PTN: variants seen among roughly 807,000 people sequenced by gnomAD.
PTN encodes pleiotrophin.
A neutral mutation model predicts 24.1 loss-of-function variants in PTN; 18 were observed. The ratio of observed to expected loss-of-function variants is 0.75; its 90% CI spans 0.52 to 1.11. The LOEUF is 1.11. Ranked by LOEUF, PTN falls within the 50% of genes least tolerant of loss-of-function variation. PTN has a pLI of 0.00. For missense variants in PTN, 163 were observed against 198.8 expected (o/e 0.82, Z 1.08); for synonymous variants, 78 against 68.6 (o/e 1.14, Z -0.67).
intron 4 of PTN, among the ~76,000 whole-genome samples, chr7:137,237,410 C>A (rs1808542677): frequency 6.6e-6 from 1 of 152,094 alleles, no homozygotes; most frequent in Admixed American, 6.6e-5. Flanking sequence ...GTCACGACAG[C>A]CCTAGCAGAC....
chr7:137,251,291 T>C lies in PTN; in HGVS notation c.390A>G (p.Glu130=). The C allele has an allele frequency of 6.2e-7, 1 of 1,614,172 alleles. No homozygotes were observed. Among genetic ancestry groups the C allele is most frequent in the Non-Finnish European group, 8.5e-7 (1 of 1,180,016 alleles). The change falls in exon 4 of 5, where the codon GAA becomes GAG. Residue 130 remains glutamate (E), a synonymous_variant. Transcript: ENST00000348225. ...GSLKRALHNA[E]CQKTVTISKP... ...TGGAGATGGTGACAGTCTTCTGGCA[T>C]TCGGCATTGTGCAGGGCTCGCTTCA...
At chr7:137,269,811 T>C (rs1220634458) in intron 1 of PTN, among the ~76,000 whole-genome samples, 1 of 151,910 alleles carries the variant, frequency 6.6e-6, no homozygotes, top group Non-Finnish European at 1.5e-5. Flanking sequence ...TTTTGTACTC[T>C]TAGTAGAGAT....
At chr7:137,319,741 C>G (rs950962798) in intron 1 of PTN, among the ~76,000 whole-genome samples, 3 of 152,208 alleles carry the variant, frequency 2.0e-5, no homozygotes, top group African/African-American at 7.2e-5. Flanking sequence ...GGGGGCAACA[C>G]CTGAATACTT....
chr7:137,232,933 A>G, intron 4 of PTN, among the ~76,000 whole-genome samples: 1 of 151,918 alleles, frequency 6.6e-6, no homozygotes, highest in East Asian at 1.9e-4. Context: ...CCATGATTGT[A>G]TGTTTCCTGA....
chr7:137,261,219 C>T (rs1231374826), intron 1 of PTN, among the ~76,000 whole-genome samples: 3 of 151,950 alleles, frequency 2.0e-5, no homozygotes, highest in Non-Finnish European at 2.9e-5. Flanking sequence ...TTGATAATAA[C>T]AAATGATATT....
intron 1 of PTN, among the ~76,000 whole-genome samples, chr7:137,315,680 C>T (rs1268633483): frequency 1.3e-5 from 2 of 152,142 alleles, no homozygotes; most frequent in Non-Finnish European, 2.9e-5. Context: ...TTACTGACAG[C>T]CTGCTGTGGA....
At chr7:137,337,803 C>T (rs980548863) in intron 1 of PTN, among the ~76,000 whole-genome samples, 1 of 152,216 alleles carries the variant, frequency 6.6e-6, no homozygotes, top group Non-Finnish European at 1.5e-5. Context: ...AGGAAATTGG[C>T]ACCAGGTTGT....
chr7:137,306,260 T>C (rs1401576381), intron 1 of PTN, among the ~76,000 whole-genome samples: 1 of 152,048 alleles, frequency 6.6e-6, no homozygotes, highest in African/African-American at 2.4e-5. Flanking sequence ...TATTATGAAA[T>C]TGATGGGCTC....
Position 137,342,527 on chromosome 7 carries a change from C to CTGTGTGTG in PTN, c.-2+904_-2+911dup, listed in dbSNP as rs4032309. On this transcript the variant is annotated intron_variant, in intron 1 of 4. Transcript: ENST00000348225. ...GTATATAAACTGCATGTGTGTGTTC[C>CTGTGTGTG]TGTGTGTGTGTGTGTGTGTGTTGTG... Among the ~76,000 whole-genome samples, 16 of 150,648 alleles carry CTGTGTGTG rather than the reference C, an allele frequency of 1.1e-4. No individual in the cohort carries two copies. In the East Asian group the frequency reaches 2.0e-3, roughly 19 times the overall value.
chr7:137,324,433 A>AAAAAAAAATATATATATATATAT, intron 1 of PTN, among the ~76,000 whole-genome samples: 4 of 88,804 alleles, frequency 4.5e-5, no homozygotes, highest in African/African-American at 2.8e-4. Flanking sequence ...AAAAAAAAAA[A>AAAAAAAAATATATATATATATAT]ATATATATAT....
At chr7:137,318,311 T>G (rs1356016864) in intron 1 of PTN, among the ~76,000 whole-genome samples, 1 of 152,112 alleles carries the variant, frequency 6.6e-6, no homozygotes, top group Non-Finnish European at 1.5e-5. Flanking sequence ...GAGAGCACAT[T>G]GAAGAAAAGG....
intron 1 of PTN, among the ~76,000 whole-genome samples, chr7:137,280,536 C>G (rs1809449674): frequency 6.6e-6 from 1 of 150,494 alleles, no homozygotes; most frequent in South Asian, 2.1e-4. Flanking sequence ...TAATAAGACA[C>G]AAGCAAAGAG....
chr7:137,295,105 A>G (rs2128877740), intron 1 of PTN, among the ~76,000 whole-genome samples: 1 of 152,242 alleles, frequency 6.6e-6, no homozygotes, highest in Non-Finnish European at 1.5e-5. Context: ...GTCAGACCGG[A>G]AATGTACTAT....
At chr7:137,336,534 A>G (rs1810452206) in intron 1 of PTN, among the ~76,000 whole-genome samples, 1 of 152,064 alleles carries the variant, frequency 6.6e-6, no homozygotes, top group Non-Finnish European at 1.5e-5. Context: ...TGCCTGCCCA[A>G]CCCCCAGGCC....
chr7:137,265,819 A>G (rs545313074), intron 1 of PTN, among the ~76,000 whole-genome samples: 2 of 152,254 alleles, frequency 1.3e-5, no homozygotes, highest in East Asian at 1.9e-4. Context: ...GCATCTTGGT[A>G]TGCTATCTTA....
At position 137,343,685 on chromosome 7, in the gene PTN, T is replaced by C; in HGVS notation, c.-248A>G. The C allele has an allele frequency of 2.0e-6, 1 of 506,472 alleles. No individual in the cohort carries two copies. The highest frequency in any genetic ancestry group is 2.0e-5 in the Admixed American group (1 of 49,506). 31.4% of individuals were successfully genotyped at this position (506,472 alleles called of 1,614,324 possible). ...AAGGCGGGGAACCTGATCCTGCCTT[T>C]GACTCAATTACGCCCTGACAGGGAG... On this transcript the variant is annotated 5_prime_UTR_variant, in exon 1 of 5. Coordinates refer to ENST00000348225, the MANE Select transcript of PTN (RefSeq NM_002825.7).
At chr7:137,275,721 A>G (rs1219323126) in intron 1 of PTN, among the ~76,000 whole-genome samples, 1 of 152,114 alleles carries the variant, frequency 6.6e-6, no homozygotes, top group African/African-American at 2.4e-5. Flanking sequence ...GCAAGTTGCA[A>G]ATAAATGCCC....
At chr7:137,228,438 T>C (rs192538605) in intron 4 of PTN, among the ~76,000 whole-genome samples, 11 of 151,940 alleles carry the variant, frequency 7.2e-5, no homozygotes, top group Non-Finnish European at 1.0e-4. Flanking sequence ...AGACATCTCT[T>C]AGTAAATTAC....
chr7:137,256,404 A>G (rs901320769), intron 1 of PTN, among the ~76,000 whole-genome samples: 1 of 152,144 alleles, frequency 6.6e-6, no homozygotes, highest in African/African-American at 2.4e-5. Flanking sequence ...GTTATGAGTG[A>G]GAACATGCGG....
Sources: allele counts gnomAD v4.1 joint callset (sites outside exome capture counted in the v4.1 genomes callset), GRCh38; gene constraint gnomAD v4.1.1; transcripts MANE v1.5; gene names NCBI Gene and HGNC (gene_info 2026-07-23, HGNC 2026-07-21).